Variants in FHIP2A observed in about 807,000 individuals in gnomAD.
The protein encoded by FHIP2A is family with sequence similarity 160 member B1.
In FHIP2A, 46 loss-of-function variants were observed where a neutral mutation model predicts 93.5. That is an observed-to-expected ratio of 0.49 (90% CI 0.39 to 0.63). The LOEUF is 0.63. Among genes scored for constraint, FHIP2A ranks in the 20% least tolerant of loss-of-function variants. The pLI is 0.00. For synonymous variants in FHIP2A, 332 were observed against 326.5 expected, an observed-to-expected ratio of 1.02 and a Z score of -0.18; for missense variants, 769 against 909.7, an observed-to-expected ratio of 0.85 and a Z score of 1.99.
chr10:114,846,515 T>G (rs756884178), intron 10 of FHIP2A, 44 bp from the exon 11 acceptor site: 7 of 1,525,146 alleles, frequency 4.6e-6, no homozygotes, highest in South Asian at 1.3e-5. Flanking sequence ...GAGTAACTTA[T>G]GTAAAGACAT....
intron 16 of FHIP2A, among the ~76,000 whole-genome samples, chr10:114,872,425 G>T (rs1445914669): frequency 6.6e-6 from 1 of 152,118 alleles, no homozygotes; most frequent in Non-Finnish European, 1.5e-5. Context: ...TTTAATTATG[G>T]TTCTTTTTTG....
At chr10:114,897,463 G>A (rs2084006479) in intron 16 of FHIP2A, among the ~76,000 whole-genome samples, 2 of 152,124 alleles carry the variant, frequency 1.3e-5, no homozygotes, top group South Asian at 4.1e-4. Context: ...TTTCTTTACG[G>A]CACTGGGGCA....
chr10:114,833,677 T>TA lies in FHIP2A; in HGVS notation c.294+283dup, dbSNP rs201417991. Among the ~76,000 whole-genome samples, 530 of 151,560 alleles carry TA rather than the reference T, an allele frequency of 3.5e-3. 3 individuals are homozygous for TA. Among genetic ancestry groups the TA allele is most frequent in the African/African-American group, 0.012 (504 of 41,332 alleles). ...TAAACTCAAGTACGTGAGCTCAGAATAAAAAAAAGAGATAGAAGGAAGTCA... is the reference window on the plus strand; with the variant it reads ...TAAACTCAAGTACGTGAGCTCAGAATAAAAAAAAAGAGATAGAAGGAAGTCA... On this transcript the variant is annotated intron_variant, in intron 3 of 16. Coordinates refer to ENST00000369248, the MANE Select transcript of FHIP2A (RefSeq NM_020940.4).
intron 16 of FHIP2A, among the ~76,000 whole-genome samples, chr10:114,873,352 A>G (rs1481076056): frequency 6.6e-6 from 1 of 152,188 alleles, no homozygotes; most frequent in Non-Finnish European, 1.5e-5. Flanking sequence ...GATTTTAGTC[A>G]TATCTTATCA....
chr10:114,836,043 C>T, intron 4 of FHIP2A, 81 bp from the exon 5 acceptor site: 1 of 1,073,860 alleles, frequency 9.3e-7, no homozygotes, highest in Admixed American at 2.1e-5. Flanking sequence ...TTTAAATATC[C>T]TTAAGGTAAA....
intron 16 of FHIP2A, among the ~76,000 whole-genome samples, chr10:114,874,652 G>A (rs886248893): frequency 1.3e-5 from 2 of 152,110 alleles, no homozygotes; most frequent in African/African-American, 4.8e-5. Context: ...ACAGGCGCGT[G>A]CCACCATGCC....
intron 3 of FHIP2A, 44 bp downstream of exon 3, chr10:114,833,446 C>T (rs1211376968): frequency 1.3e-6 from 2 of 1,511,396 alleles, no homozygotes; most frequent in Non-Finnish European, 1.8e-6. Context: ...TTAGTACATG[C>T]ATTAATGTCT....
intron 16 of FHIP2A, among the ~76,000 whole-genome samples, chr10:114,882,581 G>A (rs190035026): frequency 2.0e-5 from 3 of 152,254 alleles, no homozygotes; most frequent in African/African-American, 7.2e-5. Context: ...ATCGCAATGT[G>A]GGATATGATG....
downstream of FHIP2A, among the ~76,000 whole-genome samples, chr10:114,867,077 C>T (rs1026148467): frequency 6.6e-6 from 1 of 151,972 alleles, no homozygotes. Context: ...GGCATGGTGG[C>T]ACGTGCCTGT....
At chr10:114,877,807 G>C (rs1377320387) in intron 16 of FHIP2A, among the ~76,000 whole-genome samples, 1 of 152,208 alleles carries the variant, frequency 6.6e-6, no homozygotes, top group East Asian at 1.9e-4. Flanking sequence ...GTCATCTTGC[G>C]TCTGGAAGCC....
intron 14 of FHIP2A, among the ~76,000 whole-genome samples, chr10:114,859,135 A>AG (rs1331998602): frequency 1.3e-5 from 2 of 152,228 alleles, no homozygotes; most frequent in Non-Finnish European, 2.9e-5. Context: ...TTGAAAAAAA[A>AG]TAATAAATGA....
Position 114,855,190 on chromosome 10 carries a change from C to T in FHIP2A, c.1804-7C>T, listed in dbSNP as rs779074389. On this transcript the variant is annotated splice_polypyrimidine_tract_variant and splice_region_variant and intron_variant, in intron 13 of 16. Transcript: ENST00000369248. ...CTTTAATGATTCACATGCTTTTTTC[C>T]CCCTAGTTCCGAGACTACTGTGCTA... The T allele has an allele frequency of 6.3e-7, 1 of 1,589,390 alleles. No individual in the cohort carries two copies. The highest frequency in any genetic ancestry group is 8.5e-7 in the Non-Finnish European group (1 of 1,169,826).
At position 114,843,043 on chromosome 10, in the gene FHIP2A, G is replaced by C. The variant is rs200269179; in HGVS notation, c.633G>C (p.Glu211Asp). ...ATACAGGACAGTCCCGTCAACCAGA[G>C]GAACTATCTGGTGCTACTGGAATGG... ...STDTGQSRQP[E>D]ELSGATGMEQ... is the part of the protein sequence containing the mutation. Residue 211 changes from glutamate to aspartate, a missense_variant, in exon 6 of 17, where the codon GAG (glutamate) becomes GAC (aspartate). By Grantham distance (45) the Glu-to-Asp change is conservative (BLOSUM62 2). Transcript: ENST00000369248. The C allele has an allele frequency of 1.9e-5, 31 of 1,613,706 alleles. No individual in the cohort carries two copies. In the African/African-American group the frequency reaches 3.1e-4, roughly 16 times the overall value.
chr10:114,894,718 T>C (rs745430609), intron 16 of FHIP2A, among the ~76,000 whole-genome samples: 2 of 152,220 alleles, frequency 1.3e-5, no homozygotes, highest in African/African-American at 2.4e-5. Context: ...GGACTATCAA[T>C]GCAGCAAGTA....
intron 14 of FHIP2A, among the ~76,000 whole-genome samples, chr10:114,856,638 C>G (rs965531270): frequency 6.6e-6 from 1 of 152,076 alleles, no homozygotes; most frequent in Non-Finnish European, 1.5e-5. Context: ...AAAGTAGTTT[C>G]TGAATTGAAA....
Position 114,861,281 on chromosome 10 carries a change from C to T in FHIP2A, c.2139C>T (p.Pro713=). The T allele has an allele frequency of 6.2e-7, 1 of 1,614,178 alleles. No homozygotes were observed. Among genetic ancestry groups the T allele is most frequent in the Non-Finnish European group, 8.5e-7 (1 of 1,180,030 alleles). ...LRIQRIQDFT[P]KLLLVRKRLL... ...TCCAGCGTATTCAAGACTTTACTCC[C>T]AAGCTTCTGTTAGTCAGAAAGCGGT... The change falls in exon 16 of 17, where the codon CCC becomes CCT. Residue 713 remains proline, a synonymous_variant. Transcript: ENST00000369248.
intron 5 of FHIP2A, among the ~76,000 whole-genome samples, chr10:114,841,280 G>A (rs1022913955): frequency 1.2e-4 from 18 of 148,074 alleles, no homozygotes; most frequent in Non-Finnish European, 2.5e-4. Context: ...TAAAGAGTAT[G>A]ATATGCCATT....
rs2143013322 is a variant in FHIP2A, at chr10:114,861,935, T to C, written c.*395T>C. 3.0e-6 allele frequency: 3 copies of C among 987,036 alleles called. No individual in the cohort carries two copies. The highest frequency in any genetic ancestry group is 2.3e-4 in the East Asian group (2 of 8,854). 61.1% of individuals were successfully genotyped at this position (987,036 alleles called of 1,614,324 possible). Reference sequence around the variant, plus strand: ...ATTCTCTGGGACTCAAATGCTTGTATTCTTTTGGATTAATAAGTAGCAAAA... The same window carrying C: ...ATTCTCTGGGACTCAAATGCTTGTACTCTTTTGGATTAATAAGTAGCAAAA... On this transcript the variant is annotated 3_prime_UTR_variant, in exon 17 of 17. Transcript: ENST00000369248.
intron 16 of FHIP2A, among the ~76,000 whole-genome samples, chr10:114,893,193 G>C (rs994253665): frequency 6.6e-6 from 1 of 152,070 alleles, no homozygotes; most frequent in Non-Finnish European, 1.5e-5. Flanking sequence ...TTTATAATAG[G>C]GGAAATATTG....
Sources: gnomAD v4.1 joint callset for allele counts (sites outside exome capture counted in the v4.1 genomes callset) on GRCh38, gnomAD v4.1.1 for gene constraint, MANE v1.5 for transcripts, NCBI Gene and HGNC (gene_info 2026-07-23, HGNC 2026-07-21) for gene names.